The following LRP1B variants were observed in gnomAD, a reference collection of about 807,000 sequenced individuals.
LRP1B encodes low-density lipoprotein receptor-related protein 1B.
A neutral mutation model predicts 556.6 loss-of-function variants in LRP1B; 217 were observed. That is an observed-to-expected ratio of 0.39 (90% CI 0.35 to 0.44). LRP1B has a LOEUF of 0.44. Among genes scored for constraint, LRP1B ranks in the 20% least tolerant of loss-of-function variants. The pLI is 1.00. For synonymous variants in LRP1B, 2,047 were observed against 1,865.8 expected (o/e 1.10, Z -2.50); for missense variants, 5,053 against 5,620.8 (o/e 0.90, Z 3.23).
intron 86 of LRP1B, among the ~76,000 whole-genome samples, chr2:140,250,592 G>A (rs1681369417): frequency 6.6e-6 from 1 of 150,820 alleles, no homozygotes; most frequent in South Asian, 2.1e-4. Flanking sequence ...TTCCATAACA[G>A]TTGTATGTAT....
At chr2:141,299,384 T>C (rs1224971019) in intron 3 of LRP1B, among the ~76,000 whole-genome samples, 1 of 152,242 alleles carries the variant, frequency 6.6e-6, no homozygotes, top group Non-Finnish European at 1.5e-5. Context: ...AATGGTAACA[T>C]ATCTAGGTAC....
intron 2 of LRP1B, among the ~76,000 whole-genome samples, chr2:141,547,303 T>G (rs1685589629): frequency 6.6e-6 from 1 of 152,198 alleles, no homozygotes; most frequent in South Asian, 2.1e-4. Context: ...TTTCCAATGC[T>G]TTGGTGCCAG....
intron 3 of LRP1B, among the ~76,000 whole-genome samples, chr2:141,367,982 A>G (rs890071666): frequency 6.6e-5 from 10 of 152,174 alleles, no homozygotes; most frequent in Non-Finnish European, 1.5e-5. Flanking sequence ...GCTTCACTAC[A>G]ATACAGCTAA....
At chr2:140,657,608 T>C (rs28430339) in intron 41 of LRP1B, among the ~76,000 whole-genome samples, 3 of 132,776 alleles carry the variant, frequency 2.3e-5, no homozygotes, top group South Asian at 2.2e-4. Context: ...TATATACATA[T>C]ATATACATAC....
chr2:141,690,630 T>C (rs1435503648), intron 2 of LRP1B, among the ~76,000 whole-genome samples: 1 of 150,614 alleles, frequency 6.6e-6, no homozygotes, highest in African/African-American at 2.4e-5. Context: ...TAACTAGGGA[T>C]TCTGCTCTTA....
At chr2:140,532,439 C>G (rs906848008) in intron 47 of LRP1B, among the ~76,000 whole-genome samples, 2 of 151,946 alleles carry the variant, frequency 1.3e-5, no homozygotes, top group Non-Finnish European at 2.9e-5. Context: ...ACTCTATCAC[C>G]AAGCTGGAGT....
chr2:142,024,384 G>C (rs563869708), intron 1 of LRP1B, among the ~76,000 whole-genome samples: 1 of 152,302 alleles, frequency 6.6e-6, no homozygotes, highest in African/African-American at 2.4e-5. Context: ...TTAAAATACA[G>C]TTCTGGCCCT....
chr2:140,257,504 T>C (rs1250132935), intron 86 of LRP1B, among the ~76,000 whole-genome samples: 1 of 152,172 alleles, frequency 6.6e-6, no homozygotes, highest in Non-Finnish European at 1.5e-5. Context: ...TATTAAGCAG[T>C]GCCACTTGTA....
At chr2:140,725,489 T>A (rs1687561203) in intron 35 of LRP1B, among the ~76,000 whole-genome samples, 1 of 144,428 alleles carries the variant, frequency 6.9e-6, no homozygotes, top group Non-Finnish European at 1.5e-5. Context: ...TAGCTATCTT[T>A]ATTTCAAAAG....
chr2:142,005,639 C>G (rs1394541928), intron 1 of LRP1B, among the ~76,000 whole-genome samples: 3 of 152,064 alleles, frequency 2.0e-5, no homozygotes, highest in Non-Finnish European at 4.4e-5. Flanking sequence ...ATGTGAATCT[C>G]AGCACCACTA....
At chr2:140,818,533 C>T (rs566846885) in intron 31 of LRP1B, among the ~76,000 whole-genome samples, 1 of 152,256 alleles carries the variant, frequency 6.6e-6, no homozygotes, top group East Asian at 1.9e-4. Flanking sequence ...AACATTAAAA[C>T]TTTAGCTCTG....
At chr2:141,464,606 A>T (rs10195604) in intron 3 of LRP1B, among the ~76,000 whole-genome samples, 36,348 of 91,112 alleles carry the variant, frequency 0.4, 8,014 homozygotes, top group East Asian at 0.65. Flanking sequence ...ATATATATAT[A>T]TTTTTTTAGT....
intron 1 of LRP1B, among the ~76,000 whole-genome samples, chr2:141,933,402 G>A (rs892992703): frequency 3.9e-5 from 6 of 152,118 alleles, no homozygotes; most frequent in African/African-American, 4.8e-5. Context: ...CTTACATCTT[G>A]TAGATGTTGC....
chr2:140,535,764 T>C (rs997004686), intron 46 of LRP1B, among the ~76,000 whole-genome samples: 3 of 152,080 alleles, frequency 2.0e-5, no homozygotes, highest in African/African-American at 7.2e-5. Flanking sequence ...ATTGTTGCAA[T>C]GAAGGGAAAT....
chr2:140,599,815 G>A (rs1045342826), intron 42 of LRP1B, among the ~76,000 whole-genome samples: 2 of 151,890 alleles, frequency 1.3e-5, no homozygotes, highest in East Asian at 1.9e-4. Context: ...AAAACAGAAC[G>A]GCCCAGAGAG....
intron 86 of LRP1B, among the ~76,000 whole-genome samples, chr2:140,252,882 G>A (rs1192325808): frequency 1.3e-5 from 2 of 151,970 alleles, no homozygotes; most frequent in African/African-American, 4.8e-5. Context: ...CATCTAAAAT[G>A]TATAAACAAA....
intron 5 of LRP1B, among the ~76,000 whole-genome samples, chr2:141,245,110 T>C (rs565229592): frequency 7.9e-5 from 12 of 152,328 alleles, no homozygotes; most frequent in Admixed American, 3.9e-4. Flanking sequence ...TGTGGCTCAA[T>C]AGAAACAGCA....
chr2:141,404,173 A>G (rs61611168), intron 3 of LRP1B, among the ~76,000 whole-genome samples: 5,363 of 152,270 alleles, frequency 0.035, 304 homozygotes, highest in African/African-American at 0.12. Flanking sequence ...ATGATTCATT[A>G]TTCAAAGCCC....
intron 1 of LRP1B, among the ~76,000 whole-genome samples, chr2:141,934,720 A>T (rs972439055): frequency 4.6e-5 from 7 of 151,842 alleles, no homozygotes; most frequent in African/African-American, 1.7e-4. Context: ...TTATAAGGGG[A>T]TTTTGTCCCC....
Sources: allele counts gnomAD v4.1 joint callset (sites outside exome capture counted in the v4.1 genomes callset), GRCh38; gene constraint gnomAD v4.1.1; transcripts MANE v1.5; gene names NCBI Gene and HGNC (gene_info 2026-07-23, HGNC 2026-07-21).